Variants in AK6 observed in about 807,000 individuals in gnomAD.
AK6 encodes the protein adenylate kinase 6, also known as adenylate kinase isoenzyme 6.
In AK6, 24 loss-of-function variants were observed where a neutral mutation model predicts 23.7. The observed-to-expected ratio is 1.01, with a 90% CI of 0.73 to 1.43. The LOEUF is 1.43. Among genes scored for constraint, AK6 ranks in the 40% most tolerant of loss-of-function variants. The pLI is 0.00. For synonymous variants in AK6, 73 were observed against 69.8 expected (o/e 1.05, Z -0.23); for missense variants, 191 against 199.1 (o/e 0.96, Z 0.24).
At chr5:69,362,732 G>C (rs1319260829) in intron 2 of AK6, among the ~76,000 whole-genome samples, 1 of 152,058 alleles carries the variant, frequency 6.6e-6, no homozygotes, top group African/African-American at 2.4e-5. Flanking sequence ...GGGCCACAGA[G>C]CAAGACCCTG....
intron 2 of AK6, chr5:69,365,463 A>T (rs752149506): frequency 6.2e-7 from 1 of 1,614,194 alleles, no homozygotes; most frequent in South Asian, 1.1e-5. Flanking sequence ...AATATCTAAT[A>T]AAAAATCTCT....
intron 1 of AK6, 107 bp from the exon 2 acceptor site, chr5:69,366,702 T>C: frequency 2.5e-6 from 2 of 794,870 alleles, no homozygotes; most frequent in Non-Finnish European, 4.2e-6. Flanking sequence ...TCACCTGGCC[T>C]CTGCCCTTAA....
At chr5:69,369,770 C>T (rs1483966369), upstream of AK6, 2 of 1,459,498 alleles carry the variant, frequency 1.4e-6, no homozygotes, top group African/African-American at 1.4e-5. Context: ...CTTCGGTGGT[C>T]CCCGCCCTTC....
intron 1 of AK6, among the ~76,000 whole-genome samples, chr5:69,368,338 A>G (rs1762600366): frequency 6.6e-6 from 1 of 152,222 alleles, no homozygotes; most frequent in South Asian, 2.1e-4. Context: ...AATTAAACTT[A>G]AGCATAAAGA....
intron 1 of AK6, chr5:69,366,805 C>T: frequency 1.9e-6 from 1 of 537,064 alleles, no homozygotes; most frequent in Non-Finnish European, 3.3e-6. Flanking sequence ...GTCGCCCAGG[C>T]TGGAGTGCAG....
At chr5:69,369,629 G>A, upstream of AK6, 1 of 1,568,568 alleles carries the variant, frequency 6.4e-7, no homozygotes. Context: ...AGCCTGCCCC[G>A]GCGGCCCAGC....
chr5:69,369,353 C>A (rs1762737706), intron 1 of AK6, 110 bp downstream of exon 1: 2 of 1,251,146 alleles, frequency 1.6e-6, no homozygotes, highest in Non-Finnish European at 1.1e-6. Context: ...TGGCCCTCGG[C>A]CGGCCTCTGA....
chr5:69,362,286 T>G (rs990304697), intron 2 of AK6, among the ~76,000 whole-genome samples: 2 of 152,012 alleles, frequency 1.3e-5, no homozygotes, highest in Non-Finnish European at 2.9e-5. Flanking sequence ...CCCCTCCATG[T>G]GACAACCCAA....
chr5:69,363,242 G>A (rs148367845), intron 2 of AK6, among the ~76,000 whole-genome samples: 2 of 152,076 alleles, frequency 1.3e-5, no homozygotes, highest in African/African-American at 2.4e-5. Context: ...AAATGAAATG[G>A]TTTAAGTACT....
intron 2 of AK6, among the ~76,000 whole-genome samples, chr5:69,359,033 G>C (rs1762158522): frequency 6.6e-6 from 1 of 151,224 alleles, no homozygotes; most frequent in Non-Finnish European, 1.5e-5. Context: ...TTGAGCCTGG[G>C]AGTTCGGGAT....
intron 4 of AK6, among the ~76,000 whole-genome samples, chr5:69,354,080 C>T (rs764951065): frequency 1.2e-4 from 19 of 152,150 alleles, no homozygotes; most frequent in Non-Finnish European, 2.1e-4. Context: ...GCCTCCCCCT[C>T]ACCACCCAAC....
intron 1 of AK6, among the ~76,000 whole-genome samples, chr5:69,367,088 A>T (rs1443100711): frequency 4.6e-5 from 7 of 152,144 alleles, no homozygotes; most frequent in Non-Finnish European, 1.0e-4. Flanking sequence ...CTACGATCTA[A>T]TAAAAATTTT....
Position 69,352,082 on chromosome 5 carries a change from C to T in AK6, c.498G>A (p.Trp166Ter), listed in dbSNP as rs1440607658. ...TAAGTCAAGAGTTATGATCTTTGAT[C>T]CACTGCTCAATCCATTTCAAGATCT... ...VDQILKWIEQ[W>*]IKDHNS Residue 166 changes from tryptophan to a stop codon, truncating the protein, a stop_gained, in exon 5 of 5, where the codon TGG (tryptophan) becomes TGA (stop). Transcript: ENST00000380822. LOFTEE classifies it high-confidence loss of function. 2 of 1,611,082 alleles carry T rather than the reference C, an allele frequency of 1.2e-6. No individual in the cohort carries two copies. Among genetic ancestry groups the T allele is most frequent in the Non-Finnish European group, 8.5e-7 (1 of 1,179,138 alleles).
At chr5:69,355,557 A>T in intron 4 of AK6, 92 bp downstream of exon 4, 1 of 1,358,048 alleles carries the variant, frequency 7.4e-7, no homozygotes, top group Non-Finnish European at 9.9e-7. Context: ...AAAACAAAAC[A>T]AACAACAACA....
At chr5:69,362,104 GCTTT>G (rs71612534) in intron 2 of AK6, among the ~76,000 whole-genome samples, 51,118 of 150,080 alleles carry the variant, frequency 0.34, 10,045 homozygotes, top group Non-Finnish European at 0.46. Context: ...TTTCTTAAAA[GCTTT>G]CTTTTTTTCC....
chr5:69,358,533 A>G (rs948135585), intron 2 of AK6, among the ~76,000 whole-genome samples: 1 of 151,220 alleles, frequency 6.6e-6, no homozygotes, highest in Non-Finnish European at 1.5e-5. Flanking sequence ...AAAAAAAAAA[A>G]AAAAAAAAAG....
intron 2 of AK6, chr5:69,365,197 A>T (rs749668791): frequency 4.3e-6 from 7 of 1,614,194 alleles, no homozygotes. Context: ...CCTGTGAGGG[A>T]CATGGGAGTC....
Position 69,355,703 on chromosome 5 carries a change from A to G in AK6, c.272T>C (p.Ile91Thr), listed in dbSNP as rs1561213656. The G allele has an allele frequency of 1.2e-6, 2 of 1,613,976 alleles. No individual in the cohort carries two copies. The highest frequency in any genetic ancestry group is 1.3e-5 in the African/African-American group (1 of 75,060). ...GGTATCTGTTCTCAGCACAAAAACT[A>G]TATGAAACCAGCGTTCAGGGAAGAA... ...CDFFPERWFH[I>T]VFVLRTDTNV... is the part of the protein sequence containing the mutation. Residue 91 changes from isoleucine to threonine, a missense_variant, in exon 4 of 5, where the codon ATA becomes ACA. Coordinates refer to ENST00000380822, the MANE Select transcript of AK6 (RefSeq NM_016283.5).
intron 2 of AK6, chr5:69,365,316 C>A: frequency 6.2e-7 from 1 of 1,614,204 alleles, no homozygotes; most frequent in Non-Finnish European, 8.5e-7. Context: ...TGTTATTCTT[C>A]CCGCAGAAGT....
Sources: allele counts gnomAD v4.1 joint callset (sites outside exome capture counted in the v4.1 genomes callset), GRCh38; gene constraint gnomAD v4.1.1; transcripts MANE v1.5; gene names NCBI Gene and HGNC (gene_info 2026-07-23, HGNC 2026-07-21).